Variants in HYCC1 observed in about 807,000 individuals in gnomAD.
HYCC1 encodes hyccin PI4KA lipid kinase complex subunit 1, also known as hyccin.
chr7:22,935,656 T>C, the HYCC1 span: 1 of 152,110 alleles, frequency 6.6e-6, no homozygotes, highest in African/African-American at 2.4e-5. Flanking sequence ...TTCATGTTTA[T>C]TTATTTAGAG....
chr7:22,910,646 G>T, the HYCC1 span, among the ~76,000 whole-genome samples: 3 of 152,092 alleles, frequency 2.0e-5, no homozygotes, highest in Non-Finnish European at 4.4e-5. Flanking sequence ...TAACTGCAAG[G>T]TTAGAAATGC....
the HYCC1 span, among the ~76,000 whole-genome samples, chr7:22,930,401 AAAAAG>A: frequency 4.0e-5 from 6 of 151,194 alleles, no homozygotes; most frequent in African/African-American, 9.7e-5. Flanking sequence ...AAGAAAAAAA[AAAAAG>A]AAAAGAAAGA....
chr7:22,989,847 G>T, the HYCC1 span, among the ~76,000 whole-genome samples: 1 of 152,040 alleles, frequency 6.6e-6, no homozygotes, highest in Non-Finnish European at 1.5e-5. Context: ...AACAGGAAAC[G>T]GTGCTTTTCC....
the HYCC1 span, chr7:22,976,883 C>T: frequency 2.7e-5 from 23 of 839,780 alleles, no homozygotes; most frequent in Non-Finnish European, 4.4e-5. Flanking sequence ...TATATATATA[C>T]CACTAAAATA....
the HYCC1 span, among the ~76,000 whole-genome samples, chr7:23,002,161 TATATATATATATATAC>T: frequency 0.011 from 657 of 60,244 alleles, 22 homozygotes; most frequent in African/African-American, 0.037. Context: ...TATATATATA[TATATATATATATATAC>T]ATATAGTTTG....
At chr7:22,909,609 T>A in the HYCC1 span, among the ~76,000 whole-genome samples, 1 of 152,218 alleles carries the variant, frequency 6.6e-6, no homozygotes, top group African/African-American at 2.4e-5. Context: ...TAGCGGGTTA[T>A]TAACCCTAAA....
chr7:22,997,127 G>A, the HYCC1 span, among the ~76,000 whole-genome samples: 3 of 151,982 alleles, frequency 2.0e-5, no homozygotes, highest in African/African-American at 7.2e-5. Context: ...ACCTTTCTAA[G>A]TCAAATGTCT....
At chr7:22,946,606 GATT>G in the HYCC1 span, among the ~76,000 whole-genome samples, 1 of 151,882 alleles carries the variant, frequency 6.6e-6, no homozygotes, top group Admixed American at 6.6e-5. Flanking sequence ...CTATATTGTA[GATT>G]ATTTTATCAA....
chr7:22,977,272 C>A, the HYCC1 span: 1 of 980,564 alleles, frequency 1.0e-6, no homozygotes, highest in Non-Finnish European at 1.7e-6. Context: ...TCCTAAATAA[C>A]TAGATTATAA....
chr7:23,009,959 A>G, the HYCC1 span, among the ~76,000 whole-genome samples: 1 of 152,152 alleles, frequency 6.6e-6, no homozygotes, highest in Non-Finnish European at 1.5e-5. Flanking sequence ...CTCAACAATA[A>G]GCAATAGTCA....
the HYCC1 span, chr7:22,976,164 T>C: frequency 2.6e-6 from 3 of 1,153,998 alleles, no homozygotes; most frequent in Middle Eastern, 2.0e-4. Context: ...CTAGCAATCA[T>C]AGATTCATAT....
At chr7:23,004,171 G>C in the HYCC1 span, among the ~76,000 whole-genome samples, 1 of 152,256 alleles carries the variant, frequency 6.6e-6, no homozygotes, top group African/African-American at 2.4e-5. Context: ...CTGAATGTGA[G>C]GCTAAAATTA....
At chr7:23,008,727 A>G in the HYCC1 span, among the ~76,000 whole-genome samples, 1 of 152,080 alleles carries the variant, frequency 6.6e-6, no homozygotes, top group South Asian at 2.1e-4. Context: ...ATCCATATCT[A>G]TAGACAGACA....
At chr7:22,922,270 C>T in the HYCC1 span, among the ~76,000 whole-genome samples, 6 of 152,044 alleles carry the variant, frequency 3.9e-5, no homozygotes, top group African/African-American at 1.4e-4. Context: ...TGAAAGACAG[C>T]GATTGTCAGA....
the HYCC1 span, chr7:22,945,464 C>G: frequency 6.7e-6 from 5 of 741,436 alleles, no homozygotes; most frequent in Admixed American, 1.9e-5. Context: ...GTCAGGGGAG[C>G]CTTCAGAATT....
the HYCC1 span, among the ~76,000 whole-genome samples, chr7:22,913,940 A>T: frequency 6.6e-6 from 1 of 152,196 alleles, no homozygotes; most frequent in Non-Finnish European, 1.5e-5. Flanking sequence ...CAGAACAACC[A>T]GCCCAAGGAA....
At chr7:22,993,205 T>C in the HYCC1 span, among the ~76,000 whole-genome samples, 1 of 152,188 alleles carries the variant, frequency 6.6e-6, no homozygotes, top group South Asian at 2.1e-4. Flanking sequence ...AAAAGAACCA[T>C]GACCCTAGAG....
chr7:22,953,867 A>C, the HYCC1 span, among the ~76,000 whole-genome samples: 41 of 151,896 alleles, frequency 2.7e-4, no homozygotes, highest in African/African-American at 9.2e-4. Flanking sequence ...AATGATACTA[A>C]AAGTATTTAC....
chr7:22,992,676 T>C, the HYCC1 span, among the ~76,000 whole-genome samples: 14,857 of 152,178 alleles, frequency 0.098, 767 homozygotes, highest in African/African-American at 0.12. Flanking sequence ...TTTTATGTTG[T>C]TATGTATATT....
Sources: gnomAD v4.1 joint callset for allele counts (sites outside exome capture counted in the v4.1 genomes callset) on GRCh38, gnomAD v4.1.1 for gene constraint, MANE v1.5 for transcripts, NCBI Gene and HGNC (gene_info 2026-07-23, HGNC 2026-07-21) for gene names.